MRAS: variants seen among roughly 807,000 people sequenced by gnomAD.
MRAS encodes muscle RAS oncogene homolog, also known as ras-related protein M-Ras.
Under a neutral mutation model 20.9 loss-of-function variants are expected in MRAS, and 4 were observed. The ratio of observed to expected loss-of-function variants is 0.19; its 90% CI spans 0.09 to 0.44. The LOEUF (loss-of-function observed/expected upper bound fraction) is 0.44, where lower values mean the gene tolerates loss of function less well. Among genes scored for constraint, MRAS ranks in the 20% least tolerant of loss-of-function variants. MRAS has a pLI of 0.99. For missense variants in MRAS, 154 were observed against 277.5 expected (o/e 0.56, Z 3.16); for synonymous variants, 98 against 102.9 (o/e 0.95, Z 0.29).
chr3:138,371,646 C>A (rs762524313), intron 1 of MRAS, among the ~76,000 whole-genome samples: 1 of 152,176 alleles, frequency 6.6e-6, no homozygotes. Context: ...TTCCCTCCCT[C>A]GATTTTTGTG....
At chr3:138,394,834 G>A (rs1449096117) in intron 2 of MRAS, among the ~76,000 whole-genome samples, 1 of 152,020 alleles carries the variant, frequency 6.6e-6, no homozygotes, top group East Asian at 1.9e-4. Context: ...TGCTCCTGTT[G>A]ACTCTGTCTT....
intron 2 of MRAS, among the ~76,000 whole-genome samples, chr3:138,388,437 G>A (rs527366338): frequency 2.0e-5 from 3 of 152,314 alleles, no homozygotes; most frequent in South Asian, 2.1e-4. Context: ...AGTGGCTCAC[G>A]CCTGTAATCC....
At position 138,382,244 on chromosome 3, in the gene MRAS, G is replaced by A. The variant is rs183674887; in HGVS notation, c.193+9168G>A. Among the ~76,000 whole-genome samples the A allele has an allele frequency of 2.7e-3, 417 of 152,302 alleles. 1 individual carries two copies. Among genetic ancestry groups the A allele is most frequent in the Non-Finnish European group, 4.6e-3 (315 of 68,030 alleles). On this transcript the variant is annotated intron_variant, in intron 2 of 5. Coordinates refer to ENST00000423968, the MANE Select transcript of MRAS (RefSeq NM_001085049.3). Reference sequence around the variant, plus strand: ...CCTCACTGATCTCCATGGTGCCCAGGGCAGTGCTCTCTGGTAGAAAGCCCT... The same window carrying A: ...CCTCACTGATCTCCATGGTGCCCAGAGCAGTGCTCTCTGGTAGAAAGCCCT...
Position 138,403,718 on chromosome 3 carries a change from C to T in MRAS, c.*1449C>T, listed in dbSNP as rs1456320041. On this transcript the variant is annotated 3_prime_UTR_variant, in exon 6 of 6. Transcript: ENST00000423968. Reference sequence around the variant, plus strand: ...GGTGGGAGTGGAGAGACAACAGGAACAACGCTGCACCAAAGAAAAGGTCAG... The same window carrying T: ...GGTGGGAGTGGAGAGACAACAGGAATAACGCTGCACCAAAGAAAAGGTCAG... The T allele has an allele frequency of 2.0e-5, 3 of 152,632 alleles. No homozygotes were observed. Among genetic ancestry groups the T allele is most frequent in the East Asian group, 1.9e-4 (1 of 5,196 alleles). The allele number at this position is 152,632 out of a possible 1,614,324, so 9.5% of individuals were successfully genotyped here. A position where few individuals can be genotyped will look rare whatever the true frequency, so the allele number is the denominator to read the frequency against.
At chr3:138,395,519 T>C (rs2055217851) in intron 2 of MRAS, among the ~76,000 whole-genome samples, 3 of 152,098 alleles carry the variant, frequency 2.0e-5, no homozygotes, top group Admixed American at 1.3e-4. Context: ...ATTTGTTGTG[T>C]TCCCTCTGCC....
At position 138,352,028 on chromosome 3, in the gene MRAS, T is replaced by C. The variant is rs2054238842; in HGVS notation, c.-19+3261T>C. On this transcript the variant is annotated intron_variant, in intron 1 of 5. Coordinates refer to ENST00000423968, the MANE Select transcript of MRAS (RefSeq NM_001085049.3). ...AAGTCAGCATGCCATTCCAGTGCAGTGTGAGAGGGCAGAGATGGGGGCCAA... is the reference window on the plus strand; with the variant it reads ...AAGTCAGCATGCCATTCCAGTGCAGCGTGAGAGGGCAGAGATGGGGGCCAA... 2.0e-5 allele frequency among the ~76,000 whole-genome samples: 3 copies of C among 152,276 alleles called. No individual in the cohort carries two copies. The South Asian group carries it at 6.2e-4, about 32-fold the overall frequency.
chr3:138,349,843 C>A (rs2054191170), intron 1 of MRAS: 1 of 152,202 alleles, frequency 6.6e-6, no homozygotes, highest in African/African-American at 2.4e-5. Flanking sequence ...TTCCAAAGAC[C>A]AGGCACTTGA....
chr3:138,370,359 C>T (rs558982383), intron 1 of MRAS, among the ~76,000 whole-genome samples: 4 of 152,284 alleles, frequency 2.6e-5, no homozygotes, highest in African/African-American at 9.6e-5. Context: ...TCACCCATAG[C>T]CCAGCGTCAT....
At chr3:138,399,292 G>A (rs2108565304) in intron 4 of MRAS, among the ~76,000 whole-genome samples, 1 of 152,336 alleles carries the variant, frequency 6.6e-6, no homozygotes, top group South Asian at 2.1e-4. Context: ...AGTGAGACCT[G>A]GAAAGCCAAA....
At position 138,405,101 on chromosome 3, in the gene MRAS, C is replaced by A. The variant is rs1031108754; in HGVS notation, c.*2832C>A. 6.6e-6 allele frequency: 1 copy of A among 152,432 alleles called. No homozygotes were observed. The highest frequency in any genetic ancestry group is 1.5e-5 in the Non-Finnish European group (1 of 68,066). The allele number at this position is 152,432 out of a possible 1,614,324, so 9.4% of individuals were successfully genotyped here. Reference sequence around the variant, plus strand: ...GGACAATGGCCACTTACTACCTGTGCACTTTGCCACTCGGGACACCTGGAT... The same window carrying A: ...GGACAATGGCCACTTACTACCTGTGAACTTTGCCACTCGGGACACCTGGAT... On this transcript the variant is annotated 3_prime_UTR_variant, in exon 6 of 6. Coordinates refer to ENST00000423968, the MANE Select transcript of MRAS (RefSeq NM_001085049.3).
Position 138,397,432 on chromosome 3 carries a change from A to G in MRAS, c.302A>G (p.Glu101Gly). 6.2e-7 allele frequency: 1 copy of G among 1,614,150 alleles called. No individual in the cohort carries two copies. The highest frequency in any genetic ancestry group is 2.2e-5 in the East Asian group (1 of 44,864). The change falls in exon 3 of 6, where the codon GAG becomes GGG. Residue 101 changes from glutamate (E) to glycine (G), a missense_variant. This residue lies in a region of MRAS where 125 missense variants were observed against 213.5 expected (regional missense o/e 0.59). Coordinates refer to ENST00000423968, the MANE Select transcript of MRAS (RefSeq NM_001085049.3). ...VYSVTDKASF[E>G]HVDRFHQLIL... is the part of the protein sequence containing the mutation. The stretch of plus-strand genomic sequence containing the variant: ...TCCGTCACTGACAAGGCCAGCTTTG[A>G]GCACGTGGACCGCTTCCACCAGCTT...
In MRAS at chr3:138,386,275, C is replaced by G. The variant is rs115894251; in HGVS notation, c.194-11049C>G. On this transcript the variant is annotated intron_variant, in intron 2 of 5. Coordinates refer to ENST00000423968, the MANE Select transcript of MRAS (RefSeq NM_001085049.3). Reference sequence around the variant, plus strand: ...ATGAGCACTCACTCTCCATTCTCCCCCCTCCTCAGTCCCTGAAACCATTAA... The same window carrying G: ...ATGAGCACTCACTCTCCATTCTCCCGCCTCCTCAGTCCCTGAAACCATTAA... 8.8e-3 allele frequency among the ~76,000 whole-genome samples: 1,338 copies of G among 152,112 alleles called. 15 individuals carry two copies. Among genetic ancestry groups the G allele is most frequent in the African/African-American group, 0.031 (1,293 of 41,498 alleles).
At chr3:138,396,531 T>C (rs2055239060) in intron 2 of MRAS, among the ~76,000 whole-genome samples, 1 of 152,206 alleles carries the variant, frequency 6.6e-6, no homozygotes, top group Non-Finnish European at 1.5e-5. Flanking sequence ...GGGTCAGGCC[T>C]GCACTGCTAA....
chr3:138,380,742 G>A (rs1381858953), intron 2 of MRAS, among the ~76,000 whole-genome samples: 1 of 151,884 alleles, frequency 6.6e-6, no homozygotes, highest in East Asian at 1.9e-4. Context: ...GTTCATCCAT[G>A]TTGCTGCATG....
intron 1 of MRAS, among the ~76,000 whole-genome samples, chr3:138,366,256 C>A (rs1227692794): frequency 1.3e-5 from 2 of 152,200 alleles, no homozygotes; most frequent in Non-Finnish European, 2.9e-5. Flanking sequence ...AGCGTGTCCT[C>A]ATCCCCCTGG....
rs1449040035 is a variant in MRAS, at chr3:138,402,279, G to A, written c.*10G>A. Reference sequence around the variant, plus strand: ...ATGTGTGATCTTGTGACAGGCCTGAGGCCCTGGGCACAGTGACGGTGGCCT... The same window carrying A: ...ATGTGTGATCTTGTGACAGGCCTGAAGCCCTGGGCACAGTGACGGTGGCCT... On this transcript the variant is annotated 3_prime_UTR_variant, in exon 6 of 6. Coordinates refer to ENST00000423968, the MANE Select transcript of MRAS (RefSeq NM_001085049.3). 6.2e-7 allele frequency: 1 copy of A among 1,612,808 alleles called. No individual in the cohort carries two copies. The highest frequency in any genetic ancestry group is 8.5e-7 in the Non-Finnish European group (1 of 1,178,900).
At position 138,402,192 on chromosome 3, in the gene MRAS, CAGA is replaced by C. The variant is rs752298978; in HGVS notation, c.564_566del (p.Lys189del). On this transcript the variant is annotated inframe_deletion, in exon 6 of 6. Transcript: ENST00000423968. ...AAGGCAACAGATTCCGGAAAAAAGCCAGAAGAAGAAGAAGAAAACCAAATGGCG... is the reference window on the plus strand; with the variant it reads ...AAGGCAACAGATTCCGGAAAAAAGCCAGAAGAAGAAGAAAACCAAATGGCG... 67 of 1,613,776 alleles carry C rather than the reference CAGA, an allele frequency of 4.2e-5. No individual in the cohort carries two copies. The highest frequency in any genetic ancestry group is 5.0e-5 in the Non-Finnish European group (59 of 1,179,806).
At chr3:138,354,203 A>G (rs964385006) in intron 1 of MRAS, among the ~76,000 whole-genome samples, 2 of 152,180 alleles carry the variant, frequency 1.3e-5, no homozygotes, top group Non-Finnish European at 2.9e-5. Flanking sequence ...TCTTACAGTC[A>G]CAAATGAACC....
intron 4 of MRAS, 175 bp from the exon 5 acceptor site, chr3:138,400,359 C>A: frequency 1.6e-6 from 1 of 607,770 alleles, no homozygotes; most frequent in Admixed American, 2.8e-5. Flanking sequence ...GTAACACTTT[C>A]CAACCTGAAA....
Sources: allele counts gnomAD v4.1 joint callset (sites outside exome capture counted in the v4.1 genomes callset), GRCh38; gene constraint gnomAD v4.1.1; regional missense constraint gnomAD v4.1.1; transcripts MANE v1.5; gene names NCBI Gene and HGNC (gene_info 2026-07-23, HGNC 2026-07-21).